Variants in ZC2HC1B observed in about 807,000 individuals in gnomAD.
ZC2HC1B encodes zinc finger C2HC-type containing 1B, also known as zinc finger C2HC domain-containing protein 1B.
Under a neutral mutation model 31.0 loss-of-function variants are expected in ZC2HC1B, and 36 were observed. The observed-to-expected ratio is 1.16, with a 90% CI of 0.89 to 1.54. The LOEUF (loss-of-function observed/expected upper bound fraction) is 1.54. Among genes scored for constraint, ZC2HC1B ranks in the 40% most tolerant of loss-of-function variants. The probability of loss-of-function intolerance (pLI) is 0.00; values close to 1 mark genes in which losing one functional copy is unlikely to be tolerated. For missense variants in ZC2HC1B, 260 were observed against 268.6 expected (o/e 0.97, Z 0.22); for synonymous variants, 73 against 88.0 (o/e 0.83, Z 0.95).
chr6:143,881,697 A>G (rs888055929), intron 1 of ZC2HC1B: 14 of 151,992 alleles, frequency 9.2e-5, no homozygotes, highest in African/African-American at 3.4e-4. Context: ...TTAATGTTCT[A>G]GCAATCACAT....
chr6:143,902,990 C>T (rs1777753903), intron 5 of ZC2HC1B, 54 bp from the exon 6 acceptor site: 7 of 1,513,382 alleles, frequency 4.6e-6, no homozygotes, highest in Admixed American at 3.9e-5. Context: ...TATGTGGCAC[C>T]TGAGGTTACA....
chr6:143,896,342 A>G (rs1212008018), intron 4 of ZC2HC1B, among the ~76,000 whole-genome samples: 8 of 152,170 alleles, frequency 5.3e-5, no homozygotes, highest in African/African-American at 1.7e-4. Flanking sequence ...TGCCATGATC[A>G]TTGTCTTTGC....
In ZC2HC1B at chr6:143,869,519, A is replaced by G. The variant is rs994101939; in HGVS notation, c.28+4952A>G. Among the ~76,000 whole-genome samples, 2 of 152,220 alleles carry G rather than the reference A, an allele frequency of 1.3e-5. No individual in the cohort carries two copies. The highest frequency in any genetic ancestry group is 2.9e-5 in the Non-Finnish European group (2 of 68,036). The stretch of plus-strand genomic sequence containing the variant: ...TGTAAAGAGAGGCAATGCTGTGTGG[A>G]ATACCATGACAGTGGATAAGGCATG... On this transcript the variant is annotated intron_variant, in intron 1 of 7. Coordinates refer to ENST00000237275, the MANE Select transcript of ZC2HC1B (RefSeq NM_001013623.3). This position sits in a 1 kb window ranked among gnomAD's most constrained non-coding sequence, Gnocchi z 5.2.
rs1777520572 is a variant in ZC2HC1B at position 143,885,484 on chromosome 6, C to G, written c.91-548C>G. Among the ~76,000 whole-genome samples, 1 of 152,200 alleles carries G rather than the reference C, an allele frequency of 6.6e-6. No homozygotes were observed. Among genetic ancestry groups the G allele is most frequent in the South Asian group, 2.1e-4 (1 of 4,830 alleles). ...GCATTGATCAAATGATTTGATCTTTCTCTCTCCTTTAGCTTAAAATGGATG... is the reference window on the plus strand; with the variant it reads ...GCATTGATCAAATGATTTGATCTTTGTCTCTCCTTTAGCTTAAAATGGATG... On this transcript the variant is annotated intron_variant, in intron 2 of 7. Coordinates refer to ENST00000237275, the MANE Select transcript of ZC2HC1B (RefSeq NM_001013623.3). This position sits in a 1 kb window ranked among gnomAD's most constrained non-coding sequence, Gnocchi z 4.2.
chr6:143,868,839 A>G lies in ZC2HC1B; in HGVS notation c.28+4272A>G, dbSNP rs1191209552. Reference sequence around the variant, plus strand: ...CAAATACTATTACATAAAGTTAACAATTCTTAAATGCTGATGCGAAGTCAA... The same window carrying G: ...CAAATACTATTACATAAAGTTAACAGTTCTTAAATGCTGATGCGAAGTCAA... On this transcript the variant is annotated intron_variant, in intron 1 of 7. Coordinates refer to ENST00000237275, the MANE Select transcript of ZC2HC1B (RefSeq NM_001013623.3). The surrounding 1 kb of genome is among the most constrained non-coding windows in gnomAD (Gnocchi z 4.2). Among the ~76,000 whole-genome samples, 3 of 152,242 alleles carry G rather than the reference A, an allele frequency of 2.0e-5. No homozygotes were observed. The highest frequency in any genetic ancestry group is 4.4e-5 in the Non-Finnish European group (3 of 68,036).
At chr6:143,881,355 A>T (rs1054348763) in intron 1 of ZC2HC1B, among the ~76,000 whole-genome samples, 1 of 151,998 alleles carries the variant, frequency 6.6e-6, no homozygotes, top group Non-Finnish European at 1.5e-5. Context: ...GTTCGAGACC[A>T]GTCTAAGCAA....
At chr6:143,932,307 T>C (rs1316534393) in intron 6 of ZC2HC1B, among the ~76,000 whole-genome samples, 1 of 152,244 alleles carries the variant, frequency 6.6e-6, no homozygotes, top group African/African-American at 2.4e-5. Flanking sequence ...TAGGTTTGGC[T>C]GTTTAACATA....
chr6:143,882,979 CTT>C (rs964467165), intron 1 of ZC2HC1B, among the ~76,000 whole-genome samples: 2 of 152,180 alleles, frequency 1.3e-5, no homozygotes, highest in African/African-American at 2.4e-5. Flanking sequence ...GCTGTTGACT[CTT>C]TGATACAGAA....
At chr6:143,877,306 G>T (rs1424055271) in intron 1 of ZC2HC1B, among the ~76,000 whole-genome samples, 1 of 40,640 alleles carries the variant, frequency 2.5e-5, no homozygotes, top group African/African-American at 1.2e-4. Flanking sequence ...TTTTGAGACA[G>T]AGTTTTGCTC....
intron 6 of ZC2HC1B, among the ~76,000 whole-genome samples, chr6:143,928,712 G>A (rs1384784646): frequency 6.6e-6 from 1 of 151,798 alleles, no homozygotes; most frequent in Admixed American, 6.6e-5. Context: ...CTTCTAATCT[G>A]TGAGAATGGA....
chr6:143,906,509 T>G (rs1431078540), intron 6 of ZC2HC1B, among the ~76,000 whole-genome samples: 2 of 152,100 alleles, frequency 1.3e-5, no homozygotes, highest in Non-Finnish European at 2.9e-5. Flanking sequence ...AGTGGCGAAA[T>G]CTTAGCTCAC....
chr6:143,898,024 GGACA>G (rs1319540166), intron 4 of ZC2HC1B, among the ~76,000 whole-genome samples: 4 of 152,088 alleles, frequency 2.6e-5, no homozygotes, highest in Non-Finnish European at 2.9e-5. Flanking sequence ...AACATTTCAA[GGACA>G]GACAATTGAA....
In ZC2HC1B at chr6:143,902,241, A is replaced by AGG. The variant is rs1282264864; in HGVS notation, c.490-802_490-801dup. On this transcript the variant is annotated intron_variant, in intron 5 of 7. Coordinates refer to ENST00000237275, the MANE Select transcript of ZC2HC1B (RefSeq NM_001013623.3). ...AGCTTATTCAAAAATGGAACAAGAAAGGAGGGGTTGTTTCAGTTTTGAAGG... is the reference window on the plus strand; with the variant it reads ...AGCTTATTCAAAAATGGAACAAGAAAGGGGAGGGGTTGTTTCAGTTTTGAAGG... 2.3e-4 allele frequency among the ~76,000 whole-genome samples: 35 copies of AGG among 152,352 alleles called. 1 individual carries two copies. The East Asian group carries it at 6.7e-3, about 29-fold the overall frequency.
rs1300787418 is a variant in ZC2HC1B at position 143,933,320 on chromosome 6, T to C, written c.599-4329T>C. ...AGAGTGCGCCAGCCAGCTGCAATAGTAGAGGGGGATATAAGCTTGCTCTAA... is the reference window on the plus strand; with the variant it reads ...AGAGTGCGCCAGCCAGCTGCAATAGCAGAGGGGGATATAAGCTTGCTCTAA... On this transcript the variant is annotated intron_variant, in intron 6 of 7. Transcript: ENST00000237275. The surrounding 1 kb of genome is among the most constrained non-coding windows in gnomAD (Gnocchi z 6.4). Among the ~76,000 whole-genome samples, 1 of 152,114 alleles carries C rather than the reference T, an allele frequency of 6.6e-6. No homozygotes were observed. The highest frequency in any genetic ancestry group is 2.4e-5 in the African/African-American group (1 of 41,410).
intron 5 of ZC2HC1B, 87 bp downstream of exon 5, chr6:143,898,778 C>G: frequency 6.1e-6 from 9 of 1,476,536 alleles, no homozygotes; most frequent in South Asian, 1.3e-5. Context: ...CCTCAGTTAC[C>G]CATCCTAAGA....
chr6:143,887,019 C>T lies in ZC2HC1B; in HGVS notation c.349+198C>T, dbSNP rs530642287. Among the ~76,000 whole-genome samples the T allele has an allele frequency of 7.9e-5, 12 of 152,256 alleles. No individual in the cohort carries two copies. The South Asian group carries it at 2.5e-3, about 32-fold the overall frequency. ...TTCTAACTCTGTCTCAACGTGGGAA[C>T]ACCACTGTAGCTGTGCTGTAGTATT... On this transcript the variant is annotated intron_variant, in intron 4 of 7. Transcript: ENST00000237275. The surrounding 1 kb of genome is among the most constrained non-coding windows in gnomAD (Gnocchi z 5.1).
rs1408474070 is a variant in ZC2HC1B, at chr6:143,898,610, T to C, written c.408T>C (p.His136=). 2.6e-6 allele frequency: 4 copies of C among 1,551,786 alleles called. No individual in the cohort carries two copies. The highest frequency in any genetic ancestry group is 2.7e-5 in the African/African-American group (2 of 73,064). Residue 136 remains histidine, a synonymous_variant, in exon 5 of 8, where the codon CAT becomes CAC. Transcript: ENST00000237275. Reference sequence around the variant, plus strand: ...TTAATGAAAGCGCAGCTGAGCGACATACTAATTTCTGCAAGGATCAGTCTT... The same window carrying C: ...TTAATGAAAGCGCAGCTGAGCGACACACTAATTTCTGCAAGGATCAGTCTT... ...RRFNESAAER[H]TNFCKDQSSR...
chr6:143,915,203 A>G lies in ZC2HC1B; in HGVS notation c.598+12051A>G, dbSNP rs553557465. Among the ~76,000 whole-genome samples, 318 of 152,282 alleles carry G rather than the reference A, an allele frequency of 2.1e-3. 1 individual carries two copies. Among genetic ancestry groups the G allele is most frequent in the African/African-American group, 7.2e-3 (299 of 41,560 alleles). On this transcript the variant is annotated intron_variant, in intron 6 of 7. Transcript: ENST00000237275. The surrounding 1 kb of genome is among the most constrained non-coding windows in gnomAD (Gnocchi z 5.2). ...AAGTCTTCCCTGTGCTATTCTTATG[A>G]CAATGAGTAAGTCTCACGAGATCTG...
chr6:143,932,650 T>C (rs1392744452), intron 6 of ZC2HC1B, among the ~76,000 whole-genome samples: 2 of 152,232 alleles, frequency 1.3e-5, no homozygotes, highest in African/African-American at 4.8e-5. Context: ...CTGAATTCTT[T>C]ATCTGGCAGT....
Sources: gnomAD v4.1 joint callset for allele counts (sites outside exome capture counted in the v4.1 genomes callset) on GRCh38, gnomAD v4.1.1 for gene constraint, Gnocchi (gnomAD v3.1) non-coding constraint, MANE v1.5 for transcripts, NCBI Gene and HGNC (gene_info 2026-07-23, HGNC 2026-07-21) for gene names.